CYP19A1: variants seen among roughly 807,000 people sequenced by gnomAD.
CYP19A1 encodes the protein cytochrome P450 family 19 subfamily A member 1, also known as aromatase.
CYP19A1 carries 32 observed loss-of-function variants against 44.4 expected under a neutral mutation model. The observed-to-expected ratio is 0.72, with a 90% CI of 0.54 to 0.97. The LOEUF (loss-of-function observed/expected upper bound fraction) is 0.97, where lower values mean the gene tolerates loss of function less well. CYP19A1 is among the 50% of genes least tolerant of loss of function. CYP19A1 has a pLI of 0.00. For missense variants in CYP19A1, 598 were observed against 637.8 expected (o/e 0.94, Z 0.67); for synonymous variants, 212 against 215.6 (o/e 0.98, Z 0.14).
chr15:51,291,509 CTT>C (rs1385768342), intron 1 of CYP19A1, among the ~76,000 whole-genome samples: 1 of 152,162 alleles, frequency 6.6e-6, no homozygotes, highest in African/African-American at 2.4e-5. Context: ...GAAAAAAGGA[CTT>C]CATTTCAAAG....
chr15:51,288,896 C>A (rs567746242), intron 1 of CYP19A1, among the ~76,000 whole-genome samples: 2 of 152,348 alleles, frequency 1.3e-5, no homozygotes, highest in African/African-American at 4.8e-5. Context: ...CGTCTCCCAG[C>A]CTAACTTGCC....
At chr15:51,281,175 T>C (rs371398548) in intron 1 of CYP19A1, among the ~76,000 whole-genome samples, 40 of 152,186 alleles carry the variant, frequency 2.6e-4, no homozygotes, top group African/African-American at 9.6e-4. Context: ...GCCCCCTTGC[T>C]ACACAGCCCC....
At chr15:51,304,644 A>G (rs1043514262) in intron 1 of CYP19A1, among the ~76,000 whole-genome samples, 2 of 152,194 alleles carry the variant, frequency 1.3e-5, no homozygotes, top group African/African-American at 4.8e-5. Flanking sequence ...TAGGTTGCAG[A>G]TTATTGGAGA....
chr15:51,284,131 C>G (rs1414392525), intron 1 of CYP19A1, among the ~76,000 whole-genome samples: 2 of 152,304 alleles, frequency 1.3e-5, no homozygotes, highest in East Asian at 3.9e-4. Flanking sequence ...AAGAATTGCT[C>G]AGTTGCTGCT....
chr15:51,256,826 A>G (rs1377343140), intron 1 of CYP19A1, among the ~76,000 whole-genome samples: 2 of 152,230 alleles, frequency 1.3e-5, no homozygotes, highest in Admixed American at 6.5e-5. Context: ...CAAAGCGATC[A>G]TACCCTTCAA....
intron 1 of CYP19A1, among the ~76,000 whole-genome samples, chr15:51,317,690 G>T (rs1236263503): frequency 6.6e-6 from 1 of 152,182 alleles, no homozygotes; most frequent in Non-Finnish European, 1.5e-5. Flanking sequence ...TGGGAGCTGT[G>T]GTGAGGGAAT....
chr15:51,223,593 T>TCTCTCTCTCTCTCACACACACA, intron 4 of CYP19A1, among the ~76,000 whole-genome samples: 1 of 90,212 alleles, frequency 1.1e-5, no homozygotes. Flanking sequence ...TCTCTCTCTC[T>TCTCTCTCTCTCTCACACACACA]CACACACACA....
chr15:51,269,848 T>G (rs770323601), intron 1 of CYP19A1, among the ~76,000 whole-genome samples: 1 of 152,218 alleles, frequency 6.6e-6, no homozygotes, highest in East Asian at 1.9e-4. Flanking sequence ...CAGACTACAC[T>G]GGGGACTGAA....
chr15:51,215,353 C>T (rs2031466570), intron 7 of CYP19A1, 121 bp from the exon 8 acceptor site: 2 of 1,421,006 alleles, frequency 1.4e-6, no homozygotes. Flanking sequence ...CCACATGTCT[C>T]TGTGATTGAC....
At chr15:51,319,393 A>G (rs1418641511) in intron 1 of CYP19A1, among the ~76,000 whole-genome samples, 1 of 152,232 alleles carries the variant, frequency 6.6e-6, no homozygotes, top group Non-Finnish European at 1.5e-5. Context: ...AATTTATGAC[A>G]AAGTTTTCTG....
chr15:51,245,892 G>A (rs1038440498), intron 1 of CYP19A1, among the ~76,000 whole-genome samples: 2 of 152,220 alleles, frequency 1.3e-5, no homozygotes, highest in African/African-American at 4.8e-5. Context: ...ATGTGACAGA[G>A]CTGGAATTGG....
chr15:51,211,147 G>A (rs2030935871), intron 9 of CYP19A1, 91 bp from the exon 10 acceptor site: 7 of 871,492 alleles, frequency 8.0e-6, no homozygotes, highest in Non-Finnish European at 1.4e-5. Flanking sequence ...GGGTCAGTCA[G>A]AACACTGTTT....
intron 1 of CYP19A1, among the ~76,000 whole-genome samples, chr15:51,336,910 T>TGA (rs3078039): frequency 3.9e-5 from 4 of 103,596 alleles, no homozygotes; most frequent in East Asian, 4.7e-4. Context: ...GATTGATAGC[T>TGA]TTTTTTTTTT....
At chr15:51,216,012 C>A (rs2031539457) in intron 6 of CYP19A1, 195 bp from the exon 7 acceptor site, 4 of 1,120,456 alleles carry the variant, frequency 3.6e-6, no homozygotes, top group Non-Finnish European at 3.6e-6. Context: ...TGTTAAGGTG[C>A]CAGAGTTAGC....
At position 51,212,306 on chromosome 15, in the gene CYP19A1, G is replaced by A. The variant is rs2031074701; in HGVS notation, c.1263+14C>T. The A allele has an allele frequency of 1.3e-6, 2 of 1,572,160 alleles. No individual in the cohort carries two copies. Among genetic ancestry groups the A allele is most frequent in the Admixed American group, 3.3e-5 (2 of 59,940 alleles). On this transcript the variant is annotated intron_variant, in intron 9 of 9. Transcript: ENST00000396402. ...TCAAGAGTGGCACACTCAGTTTTAA[G>A]GAAGGGCTCTTACATTCTTTGCAAA...
chr15:51,293,841 A>C (rs1450049027), intron 1 of CYP19A1: 1 of 182,762 alleles, frequency 5.5e-6, no homozygotes, highest in Non-Finnish European at 1.1e-5. Flanking sequence ...TTGCAGACGG[A>C]GTCTCGTTCA....
At chr15:51,337,090 C>T (rs1046514443) in intron 1 of CYP19A1, among the ~76,000 whole-genome samples, 1 of 152,164 alleles carries the variant, frequency 6.6e-6, no homozygotes, top group Admixed American at 6.5e-5. Flanking sequence ...CCAAGTTTAT[C>T]GTGCATTCAA....
chr15:51,325,305 G>A (rs1336932178), intron 1 of CYP19A1, among the ~76,000 whole-genome samples: 1 of 152,138 alleles, frequency 6.6e-6, no homozygotes, highest in Non-Finnish European at 1.5e-5. Flanking sequence ...TTCACTGGCA[G>A]GGTGTAGGAG....
rs143968656 is a variant in CYP19A1, at chr15:51,269,195, T to G, written c.-38-26245A>C. Among the ~76,000 whole-genome samples, 5 of 152,288 alleles carry G rather than the reference T, an allele frequency of 3.3e-5. No individual in the cohort carries two copies. The East Asian group carries it at 9.6e-4, about 29-fold the overall frequency. ...GATCCATTTTGAGTTAAATTTTGTA[T>G]ATGGTATGAGGTAAGGGTTAATAGG... On this transcript the variant is annotated intron_variant, in intron 1 of 9. Coordinates refer to ENST00000396402, the MANE Select transcript of CYP19A1 (RefSeq NM_000103.4).
Sources: allele counts gnomAD v4.1 joint callset (sites outside exome capture counted in the v4.1 genomes callset), GRCh38; gene constraint gnomAD v4.1.1; transcripts MANE v1.5; gene names NCBI Gene and HGNC (gene_info 2026-07-23, HGNC 2026-07-21).